Variants in KCNC1 observed in about 807,000 individuals in gnomAD.
The protein encoded by KCNC1 is potassium voltage-gated channel subfamily C member 1.
KCNC1 carries 8 observed loss-of-function variants against 43.4 expected under a neutral mutation model. That is an observed-to-expected ratio of 0.18 (90% CI 0.11 to 0.33). The LOEUF (loss-of-function observed/expected upper bound fraction) is 0.33, where lower values mean the gene tolerates loss of function less well. Ranked by LOEUF, KCNC1 falls within the 10% of genes least tolerant of loss-of-function variation. KCNC1 has a pLI of 1.00. For missense variants in KCNC1, 420 were observed against 836.0 expected, an observed-to-expected ratio of 0.50 and a Z score of 6.14; for synonymous variants, 361 against 360.5, an observed-to-expected ratio of 1.00 and a Z score of -0.01.
At chr11:17,780,729 A>T (rs1849336398) in intron 3 of KCNC1, 1 of 152,452 alleles carries the variant, frequency 6.6e-6, no homozygotes, top group Non-Finnish European at 1.5e-5. Context: ...AGAATGCAAA[A>T]GCAAAGGCAA....
In KCNC1 at chr11:17,739,595, C is replaced by G. The variant is rs571796818; in HGVS notation, c.570+3023C>G. Among the ~76,000 whole-genome samples the G allele has an allele frequency of 2.7e-5, 4 of 149,822 alleles. No individual in the cohort carries two copies. Among genetic ancestry groups the G allele is most frequent in the African/African-American group, 9.9e-5 (4 of 40,392 alleles). ...TGAGGTTTGGAGAGTGCGTGAGAGT[C>G]GAGGTGAGTGTGTCTGCGTGAGTGT... On this transcript the variant is annotated intron_variant, in intron 1 of 3. Coordinates refer to ENST00000265969, the MANE Select transcript of KCNC1 (RefSeq NM_001112741.2). The surrounding 1 kb of genome is among the most constrained non-coding windows in gnomAD (Gnocchi z 4.2).
Position 17,776,660 on chromosome 11 carries a change from C to T in KCNC1, c.1505-2796C>T, listed in dbSNP as rs916482974. 1 of 984,520 alleles carries T rather than the reference C, an allele frequency of 1.0e-6. No individual in the cohort carries two copies. Among genetic ancestry groups the T allele is most frequent in the African/African-American group, 1.8e-5 (1 of 57,136 alleles). 61.0% of individuals were successfully genotyped at this position (984,520 alleles called of 1,614,324 possible). A position where few individuals can be genotyped will look rare whatever the true frequency, so the allele number is the denominator to read the frequency against. ...CTAGTGGGGGCCTGGGGGCCCTGGGCTGGGGGAGGCAGGGCCCCCAGCCTC... is the reference window on the plus strand; with the variant it reads ...CTAGTGGGGGCCTGGGGGCCCTGGGTTGGGGGAGGCAGGGCCCCCAGCCTC... On this transcript the variant is annotated intron_variant, in intron 2 of 3. Coordinates refer to ENST00000265969, the MANE Select transcript of KCNC1 (RefSeq NM_001112741.2). This position sits in a 1 kb window ranked among gnomAD's most constrained non-coding sequence, Gnocchi z 4.4.
At chr11:17,756,464 C>T (rs1213715370) in intron 1 of KCNC1, among the ~76,000 whole-genome samples, 2 of 151,698 alleles carry the variant, frequency 1.3e-5, no homozygotes, top group East Asian at 3.9e-4. Context: ...CAACTGTGGT[C>T]CCACCTGGGT....
rs1849348583 is a variant in KCNC1, at chr11:17,781,731, T to C, written c.1755T>C (p.Thr585=). 6.4e-7 allele frequency: 1 copy of C among 1,550,904 alleles called. No homozygotes were observed. Among genetic ancestry groups the C allele is most frequent in the Non-Finnish European group, 8.7e-7 (1 of 1,146,232 alleles). The change falls in exon 4 of 4, where the codon ACT becomes ACC. Residue 585 remains threonine (T), a synonymous_variant. Transcript: ENST00000265969. The surrounding 1 kb of genome is among the most constrained non-coding windows in gnomAD (Gnocchi z 5.1). ...TGCCGACAGAGGCTGTGAGAGTGAC[T>C]TGACCAGGCGGCTTGGCCGAGGACA... ...KYMPTEAVRV[T] is the part of the protein sequence containing the mutation.
Position 17,782,205 on chromosome 11 carries a change from G to A in KCNC1, c.*471G>A, listed in dbSNP as rs1590111162. On this transcript the variant is annotated 3_prime_UTR_variant, in exon 4 of 4. Coordinates refer to ENST00000265969, the MANE Select transcript of KCNC1 (RefSeq NM_001112741.2). ...TTTCTGGGGGTGAGGGGCGAGGGGAGGAGGGACAGAGATGGGGAATGGATT... is the reference window on the plus strand; with the variant it reads ...TTTCTGGGGGTGAGGGGCGAGGGGAAGAGGGACAGAGATGGGGAATGGATT... The A allele has an allele frequency of 6.5e-6, 1 of 154,230 alleles. No homozygotes were observed. Among genetic ancestry groups the A allele is most frequent in the African/African-American group, 2.4e-5 (1 of 41,500 alleles). The allele number at this position is 154,230 out of a possible 1,614,324, so 9.6% of individuals were successfully genotyped here. A position where few individuals can be genotyped will look rare whatever the true frequency, so the allele number is the denominator to read the frequency against.
rs1002942569 is a variant in KCNC1, at chr11:17,778,722, A to G, written c.1505-734A>G. Among the ~76,000 whole-genome samples the G allele has an allele frequency of 2.4e-4, 36 of 152,058 alleles. 2 individuals are homozygous for G. Among genetic ancestry groups the G allele is most frequent in the Non-Finnish European group, 7.4e-5 (5 of 68,016 alleles). ...ACTGGTCTGTATGGGGGGTCGGGGC[A>G]TAGAGTGACTGGACCAGGTCTGTGT... On this transcript the variant is annotated intron_variant, in intron 2 of 3. Transcript: ENST00000265969.
At chr11:17,737,386 C>T (rs1209014352) in intron 1 of KCNC1, among the ~76,000 whole-genome samples, 1 of 151,944 alleles carries the variant, frequency 6.6e-6, no homozygotes, top group African/African-American at 2.4e-5. Flanking sequence ...TAAGGGGGAA[C>T]CTGCAAGGAG....
At chr11:17,769,842 AGTAG>A (rs1849202423) in intron 1 of KCNC1, among the ~76,000 whole-genome samples, 1 of 152,194 alleles carries the variant, frequency 6.6e-6, no homozygotes, top group African/African-American at 2.4e-5. Flanking sequence ...CAACAGGACT[AGTAG>A]TGTCCCGTTG....
At position 17,781,533 on chromosome 11, in the gene KCNC1, G is replaced by C; in HGVS notation, c.1694-137G>C. On this transcript the variant is annotated intron_variant, in intron 3 of 3. Coordinates refer to ENST00000265969, the MANE Select transcript of KCNC1 (RefSeq NM_001112741.2). This position sits in a 1 kb window ranked among gnomAD's most constrained non-coding sequence, Gnocchi z 5.1. ...CTGGCTCAGTGCATGGGCAAACCAA[G>C]CCAGCTGGAGAAGAATCTGCCTGCC... 6.0e-6 allele frequency: 4 copies of C among 670,404 alleles called. No individual in the cohort carries two copies. Among genetic ancestry groups the C allele is most frequent in the Non-Finnish European group, 1.1e-5 (4 of 379,384 alleles). 41.5% of individuals were successfully genotyped at this position (670,404 alleles called of 1,614,324 possible). A position where few individuals can be genotyped will look rare whatever the true frequency, so the allele number is the denominator to read the frequency against.
At chr11:17,760,703 C>G (rs139791008) in intron 1 of KCNC1, among the ~76,000 whole-genome samples, 1 of 152,324 alleles carries the variant, frequency 6.6e-6, no homozygotes, top group Non-Finnish European at 1.5e-5. Context: ...CCTCTGCACG[C>G]GCTGCCTGCT....
chr11:17,757,418 C>A (rs1165068013), intron 1 of KCNC1, among the ~76,000 whole-genome samples: 1 of 152,136 alleles, frequency 6.6e-6, no homozygotes, highest in Non-Finnish European at 1.5e-5. Flanking sequence ...CCCCAGAGGG[C>A]AGACCTGTGA....
intron 1 of KCNC1, among the ~76,000 whole-genome samples, chr11:17,766,792 C>T (rs748956643): frequency 2.0e-4 from 30 of 151,950 alleles, no homozygotes; most frequent in Admixed American, 5.2e-4. Context: ...AGGGGGCGCT[C>T]TGCAGTGGGT....
chr11:17,737,654 C>A (rs951221328), intron 1 of KCNC1, among the ~76,000 whole-genome samples: 1 of 152,206 alleles, frequency 6.6e-6, no homozygotes, highest in Non-Finnish European at 1.5e-5. Context: ...CCAGCCTTCA[C>A]TGGGCTCTGT....
rs1208444596 is a variant in KCNC1, at chr11:17,742,627, C to A, written c.570+6055C>A. Reference sequence around the variant, plus strand: ...CTCTTCAGTCCTTATTCAGGGGAACCATTTAGGTGGTAGGGACCACTTCAC... The same window carrying A: ...CTCTTCAGTCCTTATTCAGGGGAACAATTTAGGTGGTAGGGACCACTTCAC... On this transcript the variant is annotated intron_variant, in intron 1 of 3. Coordinates refer to ENST00000265969, the MANE Select transcript of KCNC1 (RefSeq NM_001112741.2). The surrounding 1 kb of genome is among the most constrained non-coding windows in gnomAD (Gnocchi z 4.2). 6.6e-6 allele frequency among the ~76,000 whole-genome samples: 1 copy of A among 152,184 alleles called. No individual in the cohort carries two copies.
intron 1 of KCNC1, among the ~76,000 whole-genome samples, chr11:17,751,309 G>A (rs115726494): frequency 1.2e-3 from 185 of 152,260 alleles, no homozygotes; most frequent in African/African-American, 4.2e-3. Context: ...ATAAAAAGAC[G>A]GATATGTGGA....
Position 17,779,570 on chromosome 11 carries a change from G to A in KCNC1, c.1619G>A (p.Arg540His), listed in dbSNP as rs375362627. 49 of 1,551,442 alleles carry A rather than the reference G, an allele frequency of 3.2e-5. No homozygotes were observed. The highest frequency in any genetic ancestry group is 4.9e-5 in the East Asian group (2 of 40,918). The change falls in exon 3 of 4, where the codon CGC (arginine) becomes CAC (histidine). Residue 540 changes from arginine (R) to histidine (H), a missense_variant. Physicochemically the swap from Arg to His is conservative, Grantham distance 29. Coordinates refer to ENST00000265969, the MANE Select transcript of KCNC1 (RefSeq NM_001112741.2). The surrounding 1 kb of genome is among the most constrained non-coding windows in gnomAD (Gnocchi z 7.2). ...EGLPFTRSGTRERYGPCFLLS... is the reference protein window; with the variant it reads ...EGLPFTRSGTHERYGPCFLLS... ...CTGCCCTTTACGCGCTCGGGCACCC[G>A]CGAGAGATACGGACCCTGCTTCCTC...
At chr11:17,754,850 AAATCCTGCT>A (rs1849006521) in intron 1 of KCNC1, among the ~76,000 whole-genome samples, 1 of 152,242 alleles carries the variant, frequency 6.6e-6, no homozygotes, top group Non-Finnish European at 1.5e-5. Context: ...ACCTGATTTC[AAATCCTGCT>A]GCCACTTCTG....
In KCNC1 at chr11:17,773,833, G is replaced by A; in HGVS notation, c.1504+1235G>A. ...CACTGAGTAAGAAGGAGTGCCAGGT[G>A]AGCAGGAGGTTGACGTGACAGGTGG... On this transcript the variant is annotated intron_variant, in intron 2 of 3. Coordinates refer to ENST00000265969, the MANE Select transcript of KCNC1 (RefSeq NM_001112741.2). The surrounding 1 kb of genome is among the most constrained non-coding windows in gnomAD (Gnocchi z 4.1). 1.0e-6 allele frequency: 1 copy of A among 985,562 alleles called. No individual in the cohort carries two copies. Among genetic ancestry groups the A allele is most frequent in the Non-Finnish European group, 1.2e-6 (1 of 829,986 alleles). 61.1% of individuals were successfully genotyped at this position (985,562 alleles called of 1,614,324 possible).
At chr11:17,763,561 A>G (rs1288283151) in intron 1 of KCNC1, among the ~76,000 whole-genome samples, 1 of 119,922 alleles carries the variant, frequency 8.3e-6, no homozygotes, top group Non-Finnish European at 1.7e-5. Flanking sequence ...ACACCACCCC[A>G]CACATGCAAT....
Sources: allele counts gnomAD v4.1 joint callset (sites outside exome capture counted in the v4.1 genomes callset), GRCh38; gene constraint gnomAD v4.1.1; non-coding constraint Gnocchi (gnomAD v3.1); transcripts MANE v1.5; gene names NCBI Gene and HGNC (gene_info 2026-07-23, HGNC 2026-07-21).